XKR9: variants seen among roughly 807,000 people sequenced by gnomAD.
The protein encoded by XKR9 is XK related 9.
XKR9 carries 32 observed loss-of-function variants against 32.0 expected under a neutral mutation model. The ratio of observed to expected loss-of-function variants is 1.00; its 90% CI spans 0.76 to 1.34. XKR9 has a LOEUF of 1.34. Among genes scored for constraint, XKR9 ranks in the 40% most tolerant of loss-of-function variants. XKR9 has a pLI of 0.00. For missense variants in XKR9, 546 were observed against 429.7 expected, an observed-to-expected ratio of 1.27 and a Z score of -2.39; for synonymous variants, 168 against 143.4, an observed-to-expected ratio of 1.17 and a Z score of -1.22.
chr8:70,917,126 T>G, the XKR9 span, among the ~76,000 whole-genome samples: 15 of 152,304 alleles, frequency 9.8e-5, 1 homozygote, highest in Non-Finnish European at 1.8e-4. Context: ...GTCTGTTCCT[T>G]GATCCAACCT....
chr8:70,941,875 T>C, the XKR9 span, among the ~76,000 whole-genome samples: 1 of 152,130 alleles, frequency 6.6e-6, no homozygotes, highest in Non-Finnish European at 1.5e-5. Context: ...ATTTGTTCCA[T>C]AATTTTGCTA....
At chr8:70,694,813 A>G (rs1805202456) in intron 3 of XKR9, among the ~76,000 whole-genome samples, 1 of 152,218 alleles carries the variant, frequency 6.6e-6, no homozygotes, top group Non-Finnish European at 1.5e-5. Flanking sequence ...TTCTAGGGGT[A>G]TGTACAGGAG....
the XKR9 span, among the ~76,000 whole-genome samples, chr8:70,936,147 A>G: frequency 1.3e-5 from 2 of 152,184 alleles, no homozygotes; most frequent in Admixed American, 6.6e-5. Flanking sequence ...TCTCACAATA[A>G]GGTCAGAAAT....
the XKR9 span, among the ~76,000 whole-genome samples, chr8:70,918,882 A>AT: frequency 7.2e-6 from 1 of 138,328 alleles, no homozygotes; most frequent in Non-Finnish European, 1.5e-5. Context: ...GGTTCATGCC[A>AT]TTCTCTTGCC....
At chr8:71,001,716 C>T in the XKR9 span, among the ~76,000 whole-genome samples, 1 of 152,040 alleles carries the variant, frequency 6.6e-6, no homozygotes, top group African/African-American at 2.4e-5. Context: ...TAATGGTGGC[C>T]CTGACATGGT....
At chr8:71,056,896 A>G in the XKR9 span, among the ~76,000 whole-genome samples, 3 of 152,184 alleles carry the variant, frequency 2.0e-5, no homozygotes, top group African/African-American at 7.2e-5. Context: ...CCAATTATGC[A>G]TTTGACTTTA....
chr8:70,739,016 G>T (rs567046040), downstream of XKR9, among the ~76,000 whole-genome samples: 1 of 152,202 alleles, frequency 6.6e-6, no homozygotes, highest in East Asian at 1.9e-4. Context: ...TTCAATTCCT[G>T]GGTATCCTTG....
intron 3 of XKR9, among the ~76,000 whole-genome samples, chr8:70,696,107 A>T (rs1203197081): frequency 6.6e-6 from 1 of 150,824 alleles, no homozygotes; most frequent in African/African-American, 2.4e-5. Context: ...AGTAGGTTGC[A>T]AAAATTTTCT....
chr8:71,050,796 A>G, the XKR9 span, among the ~76,000 whole-genome samples: 1 of 152,138 alleles, frequency 6.6e-6, no homozygotes, highest in Non-Finnish European at 1.5e-5. Context: ...AAATAATAAT[A>G]ATCATTAGCT....
At chr8:70,793,500 A>C (rs1301423072), downstream of XKR9, among the ~76,000 whole-genome samples, 5 of 152,074 alleles carry the variant, frequency 3.3e-5, no homozygotes, top group Non-Finnish European at 2.9e-5. Flanking sequence ...AGTACACCCC[A>C]CTAGCACAAA....
At chr8:70,872,138 C>G in the XKR9 span, among the ~76,000 whole-genome samples, 3 of 152,216 alleles carry the variant, frequency 2.0e-5, no homozygotes, top group Admixed American at 2.0e-4. Context: ...CCAACTGGAA[C>G]TTTCCATAAT....
the XKR9 span, among the ~76,000 whole-genome samples, chr8:71,057,335 C>T: frequency 6.6e-6 from 1 of 152,184 alleles, no homozygotes. Flanking sequence ...ATCTGCTCAT[C>T]CACTAGACTC....
intron 2 of XKR9, among the ~76,000 whole-genome samples, chr8:70,760,918 G>A (rs143081334): frequency 3.9e-5 from 6 of 152,234 alleles, no homozygotes; most frequent in African/African-American, 1.4e-4. Flanking sequence ...ATGTGTCCAT[G>A]TGTTCTCATC....
chr8:70,824,642 A>C, the XKR9 span, among the ~76,000 whole-genome samples: 2 of 152,124 alleles, frequency 1.3e-5, no homozygotes, highest in African/African-American at 4.8e-5. Flanking sequence ...TTAAACACTA[A>C]GTCTAACAGA....
chr8:70,832,978 A>G, the XKR9 span, among the ~76,000 whole-genome samples: 1 of 152,264 alleles, frequency 6.6e-6, no homozygotes, highest in East Asian at 1.9e-4. Flanking sequence ...AAATGAATAA[A>G]TAAATGAGCG....
chr8:70,977,328 T>C, the XKR9 span, among the ~76,000 whole-genome samples: 1 of 152,198 alleles, frequency 6.6e-6, no homozygotes, highest in Non-Finnish European at 1.5e-5. Context: ...TTAATTGTGA[T>C]GTTAGGGTGT....
intron 2 of XKR9, among the ~76,000 whole-genome samples, chr8:70,767,578 G>T (rs1419235462): frequency 7.1e-6 from 1 of 141,778 alleles, no homozygotes; most frequent in Non-Finnish European, 1.5e-5. Context: ...GGTTCTGCAA[G>T]CTCTGCCTCC....
the XKR9 span, among the ~76,000 whole-genome samples, chr8:70,881,763 G>A: frequency 1.3e-5 from 2 of 152,134 alleles, no homozygotes; most frequent in Admixed American, 6.6e-5. Context: ...TCCCATTACT[G>A]GGTATACACC....
chr8:70,793,574 T>C (rs919154967), downstream of XKR9, among the ~76,000 whole-genome samples: 6 of 152,104 alleles, frequency 3.9e-5, no homozygotes, highest in African/African-American at 1.4e-4. Flanking sequence ...TGAATCCCTT[T>C]TCTTTATAAA....
Sources: gnomAD v4.1 joint callset for allele counts (sites outside exome capture counted in the v4.1 genomes callset) on GRCh38, gnomAD v4.1.1 for gene constraint, MANE v1.5 for transcripts, NCBI Gene and HGNC (gene_info 2026-07-23, HGNC 2026-07-21) for gene names.